Variants in RC3H1 observed in about 807,000 individuals in gnomAD.
RC3H1 encodes the protein roquin-1.
A neutral mutation model predicts 138.2 loss-of-function variants in RC3H1; 50 were observed. That is an observed-to-expected ratio of 0.36 (90% CI 0.29 to 0.46). The LOEUF (loss-of-function observed/expected upper bound fraction) is 0.46. Among genes scored for constraint, RC3H1 ranks in the 20% least tolerant of loss-of-function variants. RC3H1 has a pLI of 1.00. For missense variants in RC3H1, 1,031 were observed against 1,388.1 expected (o/e 0.74, Z 4.09); for synonymous variants, 462 against 489.1 (o/e 0.94, Z 0.73).
intron 13 of RC3H1, 120 bp from the exon 14 acceptor site, chr1:173,952,258 G>A (rs1659438585): frequency 3.6e-6 from 2 of 559,652 alleles, no homozygotes; most frequent in Non-Finnish European, 5.5e-6. Flanking sequence ...TCGTGCTGAA[G>A]CAACATAATG....
chr1:173,978,908 T>C (rs557567814), intron 6 of RC3H1, among the ~76,000 whole-genome samples: 2 of 152,332 alleles, frequency 1.3e-5, no homozygotes, highest in East Asian at 1.9e-4. Context: ...TGAGTCTTCT[T>C]TGTGAATTGT....
chr1:173,994,049 T>C (rs1336897112), intron 1 of RC3H1, among the ~76,000 whole-genome samples: 1 of 141,452 alleles, frequency 7.1e-6, no homozygotes, highest in Non-Finnish European at 1.5e-5. Context: ...AAAAAAGCTT[T>C]GTTGGGGAAG....
Position 173,975,897 on chromosome 1 carries a change from CAAAAAAAAAAAAAAAAAAAA to C in RC3H1, c.1102+2571_1102+2590del, listed in dbSNP as rs71299434. 1.1e-3 allele frequency among the ~76,000 whole-genome samples: 4 copies of C among 3,604 alleles called. 1 individual carries two copies. The highest frequency in any genetic ancestry group is 0.015 in the South Asian group (1 of 68). The allele number at this position is 3,604 out of a possible 152,430, so 2.4% of individuals were successfully genotyped here. Reference sequence around the variant, plus strand: ...TGGGCGACAGAGCGAGACTCCGTCTCAAAAAAAAAAAAAAAAAAAAAAAAAAAAAAAAAAAAATACAGTAA... The same window carrying C: ...TGGGCGACAGAGCGAGACTCCGTCTCAAAAAAAAAAAAAAAAATACAGTAA... On this transcript the variant is annotated intron_variant, in intron 7 of 19. Coordinates refer to ENST00000367696, the MANE Select transcript of RC3H1 (RefSeq NM_172071.4).
At chr1:173,953,176 T>G (rs1436000830) in intron 13 of RC3H1, among the ~76,000 whole-genome samples, 1 of 152,152 alleles carries the variant, frequency 6.6e-6, no homozygotes, top group Non-Finnish European at 1.5e-5. Flanking sequence ...TTCTTTGTCC[T>G]ACTACTATTT....
At chr1:173,984,765 A>C (rs923096913) in intron 2 of RC3H1, 146 bp from the exon 3 acceptor site, 3 of 799,466 alleles carry the variant, frequency 3.8e-6, no homozygotes, top group Non-Finnish European at 5.7e-6. Flanking sequence ...CTTTCCTATT[A>C]ACATGTATCT....
intron 7 of RC3H1, among the ~76,000 whole-genome samples, chr1:173,976,066 G>C (rs894531422): frequency 1.3e-5 from 2 of 151,960 alleles, no homozygotes; most frequent in African/African-American, 2.4e-5. Flanking sequence ...AGAAAGCAGA[G>C]GATGCTGAGG....
chr1:173,996,184 G>C (rs531249165), intron 1 of RC3H1, among the ~76,000 whole-genome samples: 2 of 152,088 alleles, frequency 1.3e-5, no homozygotes, highest in Non-Finnish European at 2.9e-5. Context: ...AACCCGGGAG[G>C]GGGAGGTTGC....
intron 2 of RC3H1, among the ~76,000 whole-genome samples, chr1:173,985,901 T>C (rs1250546664): frequency 6.6e-6 from 1 of 152,246 alleles, no homozygotes; most frequent in Non-Finnish European, 1.5e-5. Flanking sequence ...AGAATATCTA[T>C]TCAGATCCTT....
intron 7 of RC3H1, among the ~76,000 whole-genome samples, chr1:173,973,676 T>C (rs1455055338): frequency 6.6e-6 from 1 of 152,204 alleles, no homozygotes; most frequent in East Asian, 1.9e-4. Flanking sequence ...AAATATATTC[T>C]TTAAAAGAAA....
chr1:173,945,730 C>T (rs1324522203), intron 17 of RC3H1, among the ~76,000 whole-genome samples: 1 of 150,532 alleles, frequency 6.6e-6, no homozygotes, highest in African/African-American at 2.4e-5. Context: ...TTTTTTGAGA[C>T]GGAGTCTCAC....
intron 2 of RC3H1, among the ~76,000 whole-genome samples, chr1:173,991,036 C>G (rs1271644482): frequency 6.6e-6 from 1 of 152,114 alleles, no homozygotes; most frequent in Non-Finnish European, 1.5e-5. Flanking sequence ...TTGAGACCAG[C>G]ATAGCCAACA....
At chr1:173,969,470 T>G (rs1660259277) in intron 9 of RC3H1, 1 of 151,772 alleles carries the variant, frequency 6.6e-6, no homozygotes, top group South Asian at 2.1e-4. Context: ...CTGAATTATA[T>G]TTAAATTTTT....
chr1:173,945,928 CA>C (rs1324578993), intron 17 of RC3H1, among the ~76,000 whole-genome samples: 1 of 151,910 alleles, frequency 6.6e-6, no homozygotes, highest in African/African-American at 2.4e-5. Flanking sequence ...AGACTGTTCT[CA>C]AACTCCTGAT....
rs1178650243 is a variant in RC3H1 at position 173,963,982 on chromosome 1, A to G, written c.1822T>C (p.Tyr608His). 1.9e-6 allele frequency: 3 copies of G among 1,613,640 alleles called. No homozygotes were observed. In the Admixed American group the frequency reaches 5.0e-5, roughly 27 times the overall value. The change falls in exon 11 of 20, where the codon TAT becomes CAT. Residue 608 changes from tyrosine to histidine, a missense_variant. Tyr to His is a moderately conservative substitution (Grantham distance 83, BLOSUM62 2). This residue lies in a region of RC3H1 where 716 missense variants were observed against 837.9 expected (regional missense o/e 0.85). Coordinates refer to ENST00000367696, the MANE Select transcript of RC3H1 (RefSeq NM_172071.4). ...GAAPPFEPAP[Y>H]QQGMYYTPPP... ...AATTTAAAATCGTTACCCTGCTGATAAGGTGCTGGTTCAAATGGCGGAGCT... is the reference window on the plus strand; with the variant it reads ...AATTTAAAATCGTTACCCTGCTGATGAGGTGCTGGTTCAAATGGCGGAGCT...
chr1:173,970,318 T>C (rs1474932870), intron 9 of RC3H1, among the ~76,000 whole-genome samples, 187 bp downstream of exon 9: 3 of 152,242 alleles, frequency 2.0e-5, no homozygotes, highest in Non-Finnish European at 4.4e-5. Flanking sequence ...TGGTGTCAAG[T>C]TGGCTTTCAA....
At chr1:173,990,839 T>C (rs920548915) in intron 2 of RC3H1, among the ~76,000 whole-genome samples, 1 of 151,850 alleles carries the variant, frequency 6.6e-6, no homozygotes, top group Non-Finnish European at 1.5e-5. Flanking sequence ...CCTGACCTCG[T>C]GATCCACCCG....
At chr1:173,956,813 G>A (rs889488557) in intron 13 of RC3H1, among the ~76,000 whole-genome samples, 8 of 151,718 alleles carry the variant, frequency 5.3e-5, no homozygotes, top group African/African-American at 1.9e-4. Flanking sequence ...CATAATAAAT[G>A]GTTATAGAAA....
At chr1:173,975,396 G>A (rs1030087214) in intron 7 of RC3H1, among the ~76,000 whole-genome samples, 4 of 151,958 alleles carry the variant, frequency 2.6e-5, no homozygotes, top group Admixed American at 2.0e-4. Context: ...ACCCGGCCGA[G>A]AAAGCAGTTT....
chr1:173,992,693 C>T, intron 2 of RC3H1, 62 bp downstream of exon 2: 1 of 1,218,224 alleles, frequency 8.2e-7, no homozygotes, highest in South Asian at 1.3e-5. Context: ...CACACACACA[C>T]ACACACAGAG....
Sources: allele counts gnomAD v4.1 joint callset (sites outside exome capture counted in the v4.1 genomes callset), GRCh38; gene constraint gnomAD v4.1.1; regional missense constraint gnomAD v4.1.1; transcripts MANE v1.5; gene names NCBI Gene and HGNC (gene_info 2026-07-23, HGNC 2026-07-21).